COL23A1: variants seen among roughly 807,000 people sequenced by gnomAD.
COL23A1 encodes the protein collagen type XXIII alpha 1 chain, also known as collagen alpha-1(XXIII) chain.
Under a neutral mutation model 99.3 loss-of-function variants are expected in COL23A1, and 97 were observed. The observed-to-expected ratio is 0.98, with a 90% CI of 0.83 to 1.16. The LOEUF (loss-of-function observed/expected upper bound fraction) is 1.16. Ranked by LOEUF, COL23A1 falls within the 50% of genes most tolerant of loss-of-function variation. COL23A1 has a pLI of 0.00. For synonymous variants in COL23A1, 320 were observed against 308.2 expected (o/e 1.04, Z -0.40); for missense variants, 762 against 757.4 (o/e 1.01, Z -0.07).
chr5:178,288,325 G>A lies in COL23A1; in HGVS notation c.440C>T (p.Pro147Leu), dbSNP rs139837889. ...GCAAAAAAATAAATGACAAATTACC[G>A]GGTAGCCATCTCGTCCTGATTGCCC... Reference protein sequence around the residue: ...PPGQSGRDGYPGPLGLDGKPG... With the variant: ...PPGQSGRDGYLGPLGLDGKPG... The change falls in exon 5 of 29, where the codon CCG becomes CTG. Residue 147 changes from proline to leucine, a missense_variant and splice_region_variant. Pro to Leu is a moderately conservative substitution (Grantham distance 98). Coordinates refer to ENST00000390654, the MANE Select transcript of COL23A1 (RefSeq NM_173465.4). 2.5e-5 allele frequency: 41 copies of A among 1,609,818 alleles called. No homozygotes were observed. Among genetic ancestry groups the A allele is most frequent in the African/African-American group, 8.0e-5 (6 of 74,986 alleles).
chr5:178,565,651 C>T (rs754459818), intron 1 of COL23A1, among the ~76,000 whole-genome samples: 1 of 152,132 alleles, frequency 6.6e-6, no homozygotes, highest in African/African-American at 2.4e-5. Context: ...ATCTATTCCT[C>T]CTGATAACCC....
At chr5:178,289,458 C>T (rs1191480497) in intron 4 of COL23A1, among the ~76,000 whole-genome samples, 2 of 152,202 alleles carry the variant, frequency 1.3e-5, no homozygotes, top group African/African-American at 4.8e-5. Flanking sequence ...GTGCTTCCCT[C>T]ATACCCTTCA....
intron 2 of COL23A1, among the ~76,000 whole-genome samples, chr5:178,493,826 G>A (rs1241012732): frequency 6.6e-6 from 1 of 152,242 alleles, no homozygotes; most frequent in African/African-American, 2.4e-5. Flanking sequence ...AGGACCCCTG[G>A]CCCTTGGCAG....
At chr5:178,238,736 G>T in intron 28 of COL23A1, 36 bp from the exon 29 acceptor site, 2 of 1,612,124 alleles carry the variant, frequency 1.2e-6, no homozygotes, top group Non-Finnish European at 1.7e-6. Context: ...GTGACGAGGA[G>T]CCCGAGAAGC....
intron 2 of COL23A1, among the ~76,000 whole-genome samples, chr5:178,457,897 T>C (rs1006896701): frequency 3.9e-5 from 6 of 152,210 alleles, no homozygotes; most frequent in Non-Finnish European, 8.8e-5. Flanking sequence ...TAAAAACAAA[T>C]AGGCAAACGT....
intron 2 of COL23A1, among the ~76,000 whole-genome samples, chr5:178,393,118 G>A (rs114303370): frequency 0.012 from 1,821 of 152,342 alleles, 8 homozygotes; most frequent in Non-Finnish European, 0.02. Flanking sequence ...CGAAGTAAAC[G>A]ATTTGTTGCA....
intron 2 of COL23A1, among the ~76,000 whole-genome samples, chr5:178,321,236 C>T (rs1373923081): frequency 6.6e-6 from 1 of 152,224 alleles, no homozygotes; most frequent in Non-Finnish European, 1.5e-5. Flanking sequence ...AGCACCATCC[C>T]TCTCCAAAGC....
chr5:178,267,269 C>A lies in COL23A1; in HGVS notation c.522+38G>T, dbSNP rs745972952. On this transcript the variant is annotated intron_variant, in intron 8 of 28. Coordinates refer to ENST00000390654, the MANE Select transcript of COL23A1 (RefSeq NM_173465.4). ...ATGCCTCATTATTACACAAAACAAACCATGTGGGCAGTGAGGGAGGTCATG... is the reference window on the plus strand; with the variant it reads ...ATGCCTCATTATTACACAAAACAAAACATGTGGGCAGTGAGGGAGGTCATG... 5 of 1,611,804 alleles carry A rather than the reference C, an allele frequency of 3.1e-6. No homozygotes were observed. In the East Asian group the frequency reaches 8.9e-5, roughly 29 times the overall value.
rs547041357 is a variant in COL23A1 at position 178,319,658 on chromosome 5, C to T, written c.362-12739G>A. On this transcript the variant is annotated intron_variant, in intron 2 of 28. Coordinates refer to ENST00000390654, the MANE Select transcript of COL23A1 (RefSeq NM_173465.4). ...TGGACAGGGAACTCTCGGGGTTCCTCGGAACCGTGGACCAGCGCCCTCCTG... is the reference window on the plus strand; with the variant it reads ...TGGACAGGGAACTCTCGGGGTTCCTTGGAACCGTGGACCAGCGCCCTCCTG... Among the ~76,000 whole-genome samples the T allele has an allele frequency of 2.6e-5, 4 of 152,330 alleles. No homozygotes were observed. In the South Asian group the frequency reaches 8.3e-4, roughly 32 times the overall value.
intron 27 of COL23A1, among the ~76,000 whole-genome samples, chr5:178,239,546 A>T (rs942114792): frequency 2.0e-5 from 3 of 149,410 alleles, no homozygotes; most frequent in Non-Finnish European, 3.0e-5. Context: ...TGTGACAGTG[A>T]CTCTGGCCTG....
chr5:178,401,233 T>C (rs778368494), intron 2 of COL23A1, among the ~76,000 whole-genome samples: 1 of 152,254 alleles, frequency 6.6e-6, no homozygotes, highest in Non-Finnish European at 1.5e-5. Context: ...TGGATCACAG[T>C]TGGTTTATCC....
chr5:178,562,595 T>C, intron 1 of COL23A1: 1 of 150,530 alleles, frequency 6.6e-6, no homozygotes, highest in East Asian at 2.0e-4. Context: ...TGGAGCCGCC[T>C]ACCTTCCTGG....
At chr5:178,508,761 G>A (rs947608141) in intron 2 of COL23A1, among the ~76,000 whole-genome samples, 4 of 152,130 alleles carry the variant, frequency 2.6e-5, no homozygotes, top group Admixed American at 1.3e-4. Flanking sequence ...TGCATCTGGC[G>A]AGGCTAGCCC....
intron 2 of COL23A1, among the ~76,000 whole-genome samples, chr5:178,356,282 T>C (rs1761646369): frequency 6.6e-6 from 1 of 152,212 alleles, no homozygotes; most frequent in African/African-American, 2.4e-5. Context: ...ATTGTGATGC[T>C]GGCTGCACAA....
chr5:178,523,281 G>A (rs1243202132), intron 2 of COL23A1, among the ~76,000 whole-genome samples: 4 of 141,392 alleles, frequency 2.8e-5, no homozygotes, highest in African/African-American at 7.8e-5. Context: ...GAGAGAGAGC[G>A]CTAGGTGTGG....
chr5:178,319,259 G>T (rs1322680135), intron 2 of COL23A1, among the ~76,000 whole-genome samples: 1 of 152,188 alleles, frequency 6.6e-6, no homozygotes, highest in African/African-American at 2.4e-5. Flanking sequence ...GCTCCAGAGA[G>T]GCGCATGTAA....
At chr5:178,391,707 C>T (rs572371551) in intron 2 of COL23A1, among the ~76,000 whole-genome samples, 1 of 152,238 alleles carries the variant, frequency 6.6e-6, no homozygotes, top group African/African-American at 2.4e-5. Context: ...GACTGCCATA[C>T]GATCTAGTAA....
chr5:178,526,633 G>A (rs534817196), intron 2 of COL23A1, among the ~76,000 whole-genome samples: 17 of 152,270 alleles, frequency 1.1e-4, no homozygotes, highest in Non-Finnish European at 1.9e-4. Context: ...TGATGCTGCC[G>A]TGGAGCTTCT....
intron 2 of COL23A1, among the ~76,000 whole-genome samples, chr5:178,361,510 C>T (rs1294348126): frequency 5.9e-5 from 9 of 152,058 alleles, no homozygotes; most frequent in East Asian, 1.9e-4. Context: ...CATTCCTCTG[C>T]GGGCTCCACC....
Sources: gnomAD v4.1 joint callset for allele counts (sites outside exome capture counted in the v4.1 genomes callset) on GRCh38, gnomAD v4.1.1 for gene constraint, MANE v1.5 for transcripts, NCBI Gene and HGNC (gene_info 2026-07-23, HGNC 2026-07-21) for gene names.